Variants in AUTS2 observed in about 807,000 individuals in gnomAD.
AUTS2 encodes the protein activator of transcription and developmental regulator AUTS2.
AUTS2 carries 17 observed loss-of-function variants against 112.4 expected under a neutral mutation model. The ratio of observed to expected loss-of-function variants is 0.15; its 90% CI spans 0.10 to 0.23. The LOEUF is 0.23. Among genes scored for constraint, AUTS2 ranks in the 10% least tolerant of loss-of-function variants. AUTS2 has a pLI of 1.00. For synonymous variants in AUTS2, 751 were observed against 702.7 expected, an observed-to-expected ratio of 1.07 and a Z score of -1.09; for missense variants, 1,510 against 1,701.6, an observed-to-expected ratio of 0.89 and a Z score of 1.98.
chr7:70,748,228 A>G (rs1447932363), intron 6 of AUTS2, among the ~76,000 whole-genome samples: 1 of 152,120 alleles, frequency 6.6e-6, no homozygotes, highest in African/African-American at 2.4e-5. Context: ...TTTTTCCTTT[A>G]TTGATGACAA....
intron 4 of AUTS2, among the ~76,000 whole-genome samples, chr7:70,328,879 C>A (rs1239503020): frequency 6.6e-6 from 1 of 152,210 alleles, no homozygotes; most frequent in Non-Finnish European, 1.5e-5. Flanking sequence ...CTGCTTCTAT[C>A]TTGTTCCCAA....
intron 1 of AUTS2, among the ~76,000 whole-genome samples, chr7:69,642,462 T>C (rs2129121244): frequency 6.6e-6 from 1 of 152,338 alleles, no homozygotes; most frequent in Admixed American, 6.5e-5. Context: ...TGGGAAGAAC[T>C]GTACTTTGAT....
chr7:70,763,785 T>G (rs1247883511), intron 7 of AUTS2, among the ~76,000 whole-genome samples: 1 of 152,104 alleles, frequency 6.6e-6, no homozygotes, highest in Non-Finnish European at 1.5e-5. Context: ...GCAGGAAGAT[T>G]GGGACCTGAT....
At chr7:69,930,292 A>C (rs151323620) in intron 2 of AUTS2, among the ~76,000 whole-genome samples, 58 of 152,058 alleles carry the variant, frequency 3.8e-4, no homozygotes, top group African/African-American at 1.4e-3. Flanking sequence ...CCCTCTGTAG[A>C]TCTCCAGGGC....
At chr7:69,802,203 G>GA (rs1317223030) in intron 1 of AUTS2, among the ~76,000 whole-genome samples, 1 of 152,320 alleles carries the variant, frequency 6.6e-6, no homozygotes, top group Non-Finnish European at 1.5e-5. Flanking sequence ...ATGTTAAGGG[G>GA]AGAGCGTATG....
At chr7:69,890,071 C>T (rs535804611) in intron 1 of AUTS2, among the ~76,000 whole-genome samples, 1 of 152,038 alleles carries the variant, frequency 6.6e-6, no homozygotes, top group African/African-American at 2.4e-5. Context: ...CTCAGATTAT[C>T]TGGAGGGACT....
Position 70,396,248 on chromosome 7 carries a change from A to G in AUTS2, c.661-39504A>G, listed in dbSNP as rs556166915. ...CAGCCCCTGCCACATATACAAAAAA[A>G]CAACTGCTAAGCTACCTGATATACC... On this transcript the variant is annotated intron_variant, in intron 4 of 18. Coordinates refer to ENST00000342771, the MANE Select transcript of AUTS2 (RefSeq NM_015570.4). Among the ~76,000 whole-genome samples the G allele has an allele frequency of 4.6e-5, 7 of 152,316 alleles. No homozygotes were observed. The East Asian group carries it at 5.8e-4, about 13-fold the overall frequency.
intron 1 of AUTS2, among the ~76,000 whole-genome samples, chr7:69,610,026 T>C (rs1322006962): frequency 6.6e-6 from 1 of 152,248 alleles, no homozygotes; most frequent in East Asian, 1.9e-4. Flanking sequence ...AAAAAGACAT[T>C]GATGAATCTT....
chr7:70,693,857 G>C (rs1175343635), intron 5 of AUTS2, among the ~76,000 whole-genome samples: 1 of 152,094 alleles, frequency 6.6e-6, no homozygotes, highest in East Asian at 1.9e-4. Context: ...AGGCAGCCGG[G>C]GGGAGCCGAG....
rs140660337 is a variant in AUTS2 at position 70,314,413 on chromosome 7, C to T, written c.661-121339C>T. 1.7e-4 allele frequency among the ~76,000 whole-genome samples: 26 copies of T among 152,322 alleles called. No individual in the cohort carries two copies. In the East Asian group the frequency reaches 4.8e-3, roughly 28 times the overall value. On this transcript the variant is annotated intron_variant, in intron 4 of 18. Coordinates refer to ENST00000342771, the MANE Select transcript of AUTS2 (RefSeq NM_015570.4). ...CACAGATGGCTGTCTTCGTCTGTGA[C>T]ATGTGTGCACACGTAGACATTCTTG...
chr7:70,049,470 C>T (rs1584636950), intron 2 of AUTS2, among the ~76,000 whole-genome samples: 1 of 151,848 alleles, frequency 6.6e-6, no homozygotes, highest in African/African-American at 2.4e-5. Flanking sequence ...GCTGAGATTA[C>T]AGGTACCTGC....
chr7:70,215,185 G>A (rs1449264619), intron 4 of AUTS2, among the ~76,000 whole-genome samples: 2 of 152,174 alleles, frequency 1.3e-5, no homozygotes, highest in Admixed American at 6.5e-5. Context: ...AGGAGGCTGA[G>A]AGGAGAATCA....
At chr7:70,489,061 A>T (rs1018940881) in intron 5 of AUTS2, among the ~76,000 whole-genome samples, 1 of 152,194 alleles carries the variant, frequency 6.6e-6, no homozygotes, top group African/African-American at 2.4e-5. Context: ...TGAGTGATTG[A>T]TCCCACCTAC....
At chr7:70,753,095 G>T (rs147363041) in intron 6 of AUTS2, among the ~76,000 whole-genome samples, 2 of 152,012 alleles carry the variant, frequency 1.3e-5, no homozygotes, top group Non-Finnish European at 2.9e-5. Context: ...ACTCAACTGC[G>T]GTGTGTTGCT....
chr7:70,533,729 A>T (rs1800192102), intron 5 of AUTS2, among the ~76,000 whole-genome samples: 2 of 152,220 alleles, frequency 1.3e-5, no homozygotes, highest in African/African-American at 4.8e-5. Flanking sequence ...TCAGACAAAG[A>T]GTTGGATGCT....
At chr7:70,234,981 C>T (rs188373698) in intron 4 of AUTS2, among the ~76,000 whole-genome samples, 3 of 152,018 alleles carry the variant, frequency 2.0e-5, no homozygotes, top group Non-Finnish European at 2.9e-5. Flanking sequence ...CTCATGGTTG[C>T]GAAAATATTC....
At chr7:69,749,263 A>G (rs1787637472) in intron 1 of AUTS2, among the ~76,000 whole-genome samples, 1 of 152,164 alleles carries the variant, frequency 6.6e-6, no homozygotes, top group African/African-American at 2.4e-5. Context: ...ACTGTAATGT[A>G]TCTCATACTG....
At chr7:70,675,441 A>T (rs1807861496) in intron 5 of AUTS2, among the ~76,000 whole-genome samples, 1 of 152,206 alleles carries the variant, frequency 6.6e-6, no homozygotes, top group South Asian at 2.1e-4. Context: ...GGTTGCAGTG[A>T]GCCAAGATCG....
chr7:70,764,926 C>G lies in AUTS2; in HGVS notation c.1389C>G (p.Pro463=), dbSNP rs760653347. The part of the protein sequence containing the change: ...HSHHPNMFAP[P]TALPPPPPLT... ...ATCACCCCAATATGTTTGCCCCTCC[C>G]ACTGCTCTGCCTCCTCCACCACCAC... Residue 463 remains proline (P), a synonymous_variant, in exon 8 of 19, where the codon CCC becomes CCG. Coordinates refer to ENST00000342771, the MANE Select transcript of AUTS2 (RefSeq NM_015570.4). The G allele has an allele frequency of 6.2e-7, 1 of 1,612,574 alleles. No individual in the cohort carries two copies. The highest frequency in any genetic ancestry group is 1.7e-5 in the Admixed American group (1 of 59,904).
Sources: gnomAD v4.1 joint callset for allele counts (sites outside exome capture counted in the v4.1 genomes callset) on GRCh38, gnomAD v4.1.1 for gene constraint, MANE v1.5 for transcripts, NCBI Gene and HGNC (gene_info 2026-07-23, HGNC 2026-07-21) for gene names.